Variants in SND1 observed in about 807,000 individuals in gnomAD.
The protein encoded by SND1 is staphylococcal nuclease and tudor domain containing 1, also known as staphylococcal nuclease domain-containing protein 1.
In SND1, 38 loss-of-function variants were observed where a neutral mutation model predicts 121.7. The ratio of observed to expected loss-of-function variants is 0.31; its 90% CI spans 0.24 to 0.41. The LOEUF (loss-of-function observed/expected upper bound fraction) is 0.41. Among genes scored for constraint, SND1 ranks in the 10% least tolerant of loss-of-function variants. SND1 has a pLI of 1.00. For synonymous variants in SND1, 401 were observed against 447.4 expected (o/e 0.90, Z 1.31); for missense variants, 868 against 1,184.6 (o/e 0.73, Z 3.92).
At chr7:127,980,028 C>T (rs1259009633) in intron 15 of SND1, among the ~76,000 whole-genome samples, 1 of 152,158 alleles carries the variant, frequency 6.6e-6, no homozygotes, top group Non-Finnish European at 1.5e-5. Flanking sequence ...TGTAGCTTGG[C>T]CTGTGCTCTT....
chr7:127,704,013 TTA>T (rs1796148513), intron 7 of SND1, among the ~76,000 whole-genome samples: 1 of 152,082 alleles, frequency 6.6e-6, no homozygotes, highest in South Asian at 2.1e-4. Context: ...TATGGAAAAA[TTA>T]TGTTTTGTAT....
chr7:128,082,101 C>G, intron 18 of SND1: 1 of 374,872 alleles, frequency 2.7e-6, no homozygotes, highest in South Asian at 2.0e-5. Flanking sequence ...GGCCAGGGTC[C>G]CCTGGGCAGA....
chr7:128,014,547 A>G (rs536229499), intron 16 of SND1, among the ~76,000 whole-genome samples: 1 of 152,258 alleles, frequency 6.6e-6, no homozygotes, highest in South Asian at 2.1e-4. Context: ...GGCGGGTGGG[A>G]AGGCAGAGCA....
chr7:127,926,681 T>C (rs1203278705), intron 14 of SND1, among the ~76,000 whole-genome samples: 1 of 151,132 alleles, frequency 6.6e-6, no homozygotes, highest in East Asian at 2.0e-4. Context: ...GCTTCCCAAG[T>C]AGCTGGGACT....
chr7:127,704,795 C>T lies in SND1; in HGVS notation c.841-44C>T, dbSNP rs375792512. 3 of 1,451,386 alleles carry T rather than the reference C, an allele frequency of 2.1e-6. No homozygotes were observed. The African/African-American group carries it at 4.2e-5, about 20-fold the overall frequency. 89.9% of individuals were successfully genotyped at this position (1,451,386 alleles called of 1,614,324 possible). ...TCTAGAGAAATGGATTCTTTTACAA[C>T]AGAGTCTAATCCGTGCCTGCCTCTC... On this transcript the variant is annotated intron_variant, in intron 7 of 23. Transcript: ENST00000354725.
At chr7:127,816,510 G>C (rs967710797) in intron 11 of SND1, among the ~76,000 whole-genome samples, 2 of 152,096 alleles carry the variant, frequency 1.3e-5, no homozygotes, top group African/African-American at 4.8e-5. Flanking sequence ...TGAAGAGCAA[G>C]TCCTCTGAAA....
intron 10 of SND1, among the ~76,000 whole-genome samples, chr7:127,735,919 C>T (rs192920851): frequency 2.6e-5 from 4 of 152,258 alleles, no homozygotes; most frequent in Admixed American, 1.3e-4. Context: ...TGTGGGCCAC[C>T]GTGCCCAGCC....
chr7:128,088,446 C>CTTTTTTT (rs1047161140), intron 21 of SND1, among the ~76,000 whole-genome samples: 2 of 80,112 alleles, frequency 2.5e-5, no homozygotes, highest in East Asian at 3.4e-4. Flanking sequence ...CCCTATCTCT[C>CTTTTTTT]TTTTTTTTTT....
intron 10 of SND1, among the ~76,000 whole-genome samples, chr7:127,753,468 T>C (rs550139691): frequency 1.8e-3 from 267 of 152,074 alleles, no homozygotes; most frequent in African/African-American, 6.1e-3. Flanking sequence ...TTTTTTTAAA[T>C]GAAAGGCCTT....
chr7:127,670,754 A>T (rs974824790), intron 1 of SND1, among the ~76,000 whole-genome samples: 15 of 150,758 alleles, frequency 9.9e-5, no homozygotes, highest in African/African-American at 3.4e-4. Flanking sequence ...GCCCCGAGAG[A>T]TCTTGCCTTG....
chr7:127,908,097 G>T (rs187484739), intron 14 of SND1, among the ~76,000 whole-genome samples: 94 of 152,222 alleles, frequency 6.2e-4, no homozygotes, highest in Admixed American at 3.5e-3. Flanking sequence ...AAGATGGACA[G>T]AACATCTGCA....
chr7:127,707,766 AGTGTGTGTGTGTGTGTGTGTGTGT>A (rs35627839), intron 9 of SND1, 119 bp downstream of exon 9: 8 of 408,976 alleles, frequency 2.0e-5, no homozygotes, highest in South Asian at 9.9e-5. Context: ...AGCCAGTAGG[AGTGTGTGTGTGTGTGTGTGTGTGT>A]GTGTGTGTGT....
chr7:127,995,263 C>A (rs1456694789), intron 16 of SND1, among the ~76,000 whole-genome samples: 1 of 152,228 alleles, frequency 6.6e-6, no homozygotes. Context: ...GGCTGGACTG[C>A]ATGAGATTAT....
At chr7:127,826,097 A>C (rs1798638512) in intron 11 of SND1, among the ~76,000 whole-genome samples, 1 of 152,194 alleles carries the variant, frequency 6.6e-6, no homozygotes, top group African/African-American at 2.4e-5. Context: ...AGGCTGAGGC[A>C]GGTGAATTAC....
chr7:128,028,629 G>A (rs1371745671), intron 16 of SND1: 2 of 1,540,838 alleles, frequency 1.3e-6, no homozygotes, highest in South Asian at 1.2e-5. Flanking sequence ...AAAAGTTGCT[G>A]TCTTTGTGTG....
chr7:127,848,937 C>G (rs990378914), intron 12 of SND1, among the ~76,000 whole-genome samples: 4 of 152,072 alleles, frequency 2.6e-5, no homozygotes, highest in Non-Finnish European at 5.9e-5. Flanking sequence ...TATCTGTTTC[C>G]CCTGGGGAAT....
intron 10 of SND1, among the ~76,000 whole-genome samples, chr7:127,766,542 A>G (rs752715412): frequency 8.5e-5 from 13 of 152,052 alleles, no homozygotes; most frequent in Admixed American, 3.3e-4. Context: ...TTGGGAGGCC[A>G]AGGCGGGCGA....
At chr7:127,749,754 A>G (rs1350927289) in intron 10 of SND1, among the ~76,000 whole-genome samples, 2 of 152,238 alleles carry the variant, frequency 1.3e-5, no homozygotes, top group Non-Finnish European at 2.9e-5. Flanking sequence ...GGAAACCACA[A>G]GAAGTTCAGC....
intron 9 of SND1, among the ~76,000 whole-genome samples, chr7:127,715,612 G>T (rs1397474710): frequency 6.6e-6 from 1 of 152,030 alleles, no homozygotes; most frequent in African/African-American, 2.4e-5. Flanking sequence ...TTGAGTTTTA[G>T]GAGTTCTCTA....
Sources: gnomAD v4.1 joint callset for allele counts (sites outside exome capture counted in the v4.1 genomes callset) on GRCh38, gnomAD v4.1.1 for gene constraint, MANE v1.5 for transcripts, NCBI Gene and HGNC (gene_info 2026-07-23, HGNC 2026-07-21) for gene names.